The following RNLS variants were observed in gnomAD, a reference collection of about 807,000 sequenced individuals.
The protein encoded by RNLS is renalase, FAD dependent amine oxidase.
RNLS carries 39 observed loss-of-function variants against 39.8 expected under a neutral mutation model. The ratio of observed to expected loss-of-function variants is 0.98; its 90% CI spans 0.76 to 1.28. The LOEUF (loss-of-function observed/expected upper bound fraction) is 1.28, where lower values mean the gene tolerates loss of function less well. Among genes scored for constraint, RNLS ranks in the 50% most tolerant of loss-of-function variants. The pLI, the probability that RNLS is intolerant of heterozygous loss-of-function variation, is 0.00. For missense variants in RNLS, 410 were observed against 413.3 expected, an observed-to-expected ratio of 0.99 and a Z score of 0.07; for synonymous variants, 147 against 150.7, an observed-to-expected ratio of 0.98 and a Z score of 0.18.
At position 88,512,749 on chromosome 10, in the gene RNLS, G is replaced by A. The variant is rs116025460; in HGVS notation, c.526+60154C>T. ...TCTACACTGCTCACAGGTGCCCAAC[G>A]AGCACTTTACTCTCCCACCTTTGTG... On this transcript the variant is annotated intron_variant, in intron 4 of 6. Transcript: ENST00000331772. Among the ~76,000 whole-genome samples, 351 of 152,136 alleles carry A rather than the reference G, an allele frequency of 2.3e-3. 2 individuals are homozygous for A. The highest frequency in any genetic ancestry group is 7.8e-3 in the African/African-American group (325 of 41,524).
chr10:88,280,538 C>T (rs747240718), downstream of RNLS, among the ~76,000 whole-genome samples: 2 of 151,998 alleles, frequency 1.3e-5, no homozygotes, highest in Non-Finnish European at 2.9e-5. Flanking sequence ...GGGGTTGAAC[C>T]TAAAACAGGG....
At chr10:88,391,145 A>G (rs1355378544) in intron 4 of RNLS, among the ~76,000 whole-genome samples, 2 of 152,232 alleles carry the variant, frequency 1.3e-5, no homozygotes, top group African/African-American at 4.8e-5. Context: ...TGATTATACA[A>G]ACAGGTGTGT....
chr10:88,530,023 T>C (rs1361857313), intron 4 of RNLS, among the ~76,000 whole-genome samples: 2 of 152,182 alleles, frequency 1.3e-5, no homozygotes, highest in African/African-American at 4.8e-5. Context: ...ATATGGCAAA[T>C]AGAATTCTGC....
At chr10:88,278,450 A>G (rs1041444965) in intron 6 of RNLS, among the ~76,000 whole-genome samples, 1 of 152,206 alleles carries the variant, frequency 6.6e-6, no homozygotes, top group Non-Finnish European at 1.5e-5. Flanking sequence ...CAATTTAAAA[A>G]GTATCGAAAA....
At chr10:88,469,477 C>T (rs2437878) in intron 4 of RNLS, among the ~76,000 whole-genome samples, 75,042 of 151,748 alleles carry the variant, frequency 0.49, 19,150 homozygotes, top group Middle Eastern at 0.58. Flanking sequence ...GTTCCTATGA[C>T]GAGGGAAGCA....
chr10:88,172,090 T>C, the RNLS span, among the ~76,000 whole-genome samples: 1 of 152,212 alleles, frequency 6.6e-6, no homozygotes, highest in African/African-American at 2.4e-5. Flanking sequence ...GGTGAATGGG[T>C]CGATTCCATA....
chr10:88,422,136 C>T lies in RNLS; in HGVS notation c.527-59411G>A, dbSNP rs1589764623. 5.3e-5 allele frequency among the ~76,000 whole-genome samples: 8 copies of T among 152,204 alleles called. No individual in the cohort carries two copies. In the South Asian group the frequency reaches 1.7e-3, roughly 31 times the overall value. On this transcript the variant is annotated intron_variant, in intron 4 of 6. Coordinates refer to ENST00000331772, the MANE Select transcript of RNLS (RefSeq NM_001031709.3). ...TCTATCTTTATTTCATTAACTTCTG[C>T]TCTGTTTAAAACAGTTACTTAAACA...
intron 4 of RNLS, among the ~76,000 whole-genome samples, chr10:88,392,590 C>T (rs1852273829): frequency 6.6e-6 from 1 of 152,160 alleles, no homozygotes; most frequent in African/African-American, 2.4e-5. Context: ...ACTCCAATGG[C>T]CACCTATGAC....
intron 4 of RNLS, among the ~76,000 whole-genome samples, chr10:88,533,065 T>A (rs1169021996): frequency 6.6e-6 from 1 of 152,148 alleles, no homozygotes; most frequent in Non-Finnish European, 1.5e-5. Context: ...AATAAACATT[T>A]AATTGCTCTT....
intron 4 of RNLS, among the ~76,000 whole-genome samples, chr10:88,566,453 A>T (rs1020747338): frequency 9.2e-5 from 14 of 152,188 alleles, no homozygotes; most frequent in African/African-American, 3.4e-4. Flanking sequence ...ATATGCAGAG[A>T]AAAGGAGAAA....
chr10:88,464,891 C>T (rs1018052695), intron 4 of RNLS, among the ~76,000 whole-genome samples: 2 of 152,062 alleles, frequency 1.3e-5, no homozygotes, highest in African/African-American at 4.8e-5. Context: ...CCATGACATG[C>T]TCATAGGGAA....
chr10:88,197,293 TAAAG>T, the RNLS span, among the ~76,000 whole-genome samples: 1 of 152,206 alleles, frequency 6.6e-6, no homozygotes, highest in Admixed American at 6.5e-5. Context: ...AATAAATAAA[TAAAG>T]ACTGTTTTCT....
At chr10:88,432,684 T>C (rs1855205543) in intron 4 of RNLS, among the ~76,000 whole-genome samples, 1 of 152,002 alleles carries the variant, frequency 6.6e-6, no homozygotes, top group Admixed American at 6.6e-5. Flanking sequence ...GTGAAAGTTT[T>C]CCAACAAAAT....
chr10:88,565,734 C>A (rs1849455207), intron 4 of RNLS, among the ~76,000 whole-genome samples: 1 of 147,752 alleles, frequency 6.8e-6, no homozygotes. Context: ...AAAACAGTGT[C>A]AACGTTATCT....
chr10:88,507,582 G>T (rs1845863244), intron 4 of RNLS, among the ~76,000 whole-genome samples: 1 of 152,052 alleles, frequency 6.6e-6, no homozygotes, highest in African/African-American at 2.4e-5. Context: ...TTTTTTAGAT[G>T]TCCCATGTGA....
At chr10:88,361,704 G>T (rs1849658119) in intron 5 of RNLS, among the ~76,000 whole-genome samples, 1 of 152,192 alleles carries the variant, frequency 6.6e-6, no homozygotes, top group Non-Finnish European at 1.5e-5. Flanking sequence ...CGAGCCAAGA[G>T]ACATTAGTTG....
At chr10:88,541,955 A>G (rs1848067458) in intron 4 of RNLS, among the ~76,000 whole-genome samples, 1 of 152,156 alleles carries the variant, frequency 6.6e-6, no homozygotes, top group Non-Finnish European at 1.5e-5. Context: ...AACCCTCCAC[A>G]GCACAGGCCA....
intron 5 of RNLS, among the ~76,000 whole-genome samples, chr10:88,336,100 T>A (rs1260159904): frequency 6.6e-6 from 1 of 152,186 alleles, no homozygotes; most frequent in Non-Finnish European, 1.5e-5. Flanking sequence ...CTATGACACA[T>A]TTAGAATCTG....
At chr10:88,293,531 A>C (rs1445492931) in intron 6 of RNLS, among the ~76,000 whole-genome samples, 4 of 152,186 alleles carry the variant, frequency 2.6e-5, no homozygotes, top group Non-Finnish European at 5.9e-5. Context: ...TATATATAAT[A>C]TGTATAAATC....
Sources: allele counts gnomAD v4.1 joint callset (sites outside exome capture counted in the v4.1 genomes callset), GRCh38; gene constraint gnomAD v4.1.1; transcripts MANE v1.5; gene names NCBI Gene and HGNC (gene_info 2026-07-23, HGNC 2026-07-21).